SMARCA1: variants seen among roughly 807,000 people sequenced by gnomAD.
The protein encoded by SMARCA1 is SWI/SNF-related matrix-associated actin-dependent regulator of chromatin subfamily A member 1.
SMARCA1 carries 17 observed loss-of-function variants against 93.6 expected under a neutral mutation model. The ratio of observed to expected loss-of-function variants is 0.18; its 90% confidence interval spans 0.12 to 0.27. The LOEUF (loss-of-function observed/expected upper bound fraction) is 0.27. Among genes scored for constraint, SMARCA1 ranks in the 10% least tolerant of loss-of-function variants. The pLI is 1.00. For missense variants in SMARCA1, 630 were observed against 819.0 expected, an observed-to-expected ratio of 0.77 and a Z score of 2.82; for synonymous variants, 271 against 271.4, an observed-to-expected ratio of 1.00 and a Z score of 0.01.
At chrX:129,472,460 G>C (rs1383832749) in intron 19 of SMARCA1, among the ~76,000 whole-genome samples, 1 of 111,099 alleles carries the variant, frequency 9.0e-6, no homozygotes, top group Non-Finnish European at 1.9e-5. Flanking sequence ...ATTTCATAGA[G>C]TTTGGAACTA....
intron 12 of SMARCA1, among the ~76,000 whole-genome samples, chrX:129,494,226 G>GCCATGATATTCTCTTTGTC (rs1934232711): frequency 9.0e-6 from 1 of 111,558 alleles, no homozygotes; most frequent in Admixed American, 9.6e-5. Flanking sequence ...GTACTGCTCT[G>GCCATGATATTCTCTTTGTC]CCATGATATT....
chrX:129,509,493 A>G (rs1212468340), intron 6 of SMARCA1, among the ~76,000 whole-genome samples: 1 of 111,697 alleles, frequency 9.0e-6, no homozygotes, highest in Non-Finnish European at 1.9e-5. Context: ...GCCAGACCCC[A>G]TTCAGTCGTG....
chrX:129,496,240 A>T (rs1427775445), intron 12 of SMARCA1, among the ~76,000 whole-genome samples: 1 of 103,912 alleles, frequency 9.6e-6, no homozygotes, highest in Non-Finnish European at 2.0e-5. Context: ...CATGATAAAT[A>T]CCTATACCTA....
At chrX:129,509,188 CAA>C (rs10706195) in intron 6 of SMARCA1, among the ~76,000 whole-genome samples, 30 of 69,598 alleles carry the variant, frequency 4.3e-4, no homozygotes, top group East Asian at 1.3e-3. Flanking sequence ...GAGTCCGTCT[CAA>C]AAAAAAAAAA....
intron 24 of SMARCA1, among the ~76,000 whole-genome samples, chrX:129,447,571 A>T (rs568524759): frequency 2.7e-4 from 30 of 111,734 alleles, no homozygotes; most frequent in African/African-American, 8.4e-4. Context: ...TATATTTTTT[A>T]AAAAACTTAT....
chrX:129,513,050 T>C (rs778377900), intron 5 of SMARCA1, among the ~76,000 whole-genome samples: 1 of 112,339 alleles, frequency 8.9e-6, no homozygotes, highest in South Asian at 3.7e-4. Flanking sequence ...AAATTATATA[T>C]ACAATATGAT....
In SMARCA1 at chrX:129,511,103, T is replaced by C. The variant is rs191014805; in HGVS notation, c.810+701A>G. On this transcript the variant is annotated intron_variant, in intron 6 of 24. Transcript: ENST00000371121. Reference sequence around the variant, plus strand: ...TTTAATAATAAGCTTTCTAAGCAGATTATCTGTTTTAGTATTTTTACATAA... The same window carrying C: ...TTTAATAATAAGCTTTCTAAGCAGACTATCTGTTTTAGTATTTTTACATAA... 2.7e-5 allele frequency among the ~76,000 whole-genome samples: 3 copies of C among 111,567 alleles called. No homozygotes were observed. In the Admixed American group the frequency reaches 2.9e-4, roughly 11 times the overall value.
At chrX:129,485,107 G>A (rs1933838476) in intron 17 of SMARCA1, among the ~76,000 whole-genome samples, 1 of 112,101 alleles carries the variant, frequency 8.9e-6, no homozygotes, top group Non-Finnish European at 1.9e-5. Flanking sequence ...GAATTACAGA[G>A]CCACCAGCAT....
chrX:129,471,840 A>C (rs2031401838), intron 19 of SMARCA1, among the ~76,000 whole-genome samples: 1 of 111,915 alleles, frequency 8.9e-6, no homozygotes, highest in Admixed American at 9.5e-5. Context: ...TAACAGGATA[A>C]TGAAGAAAAA....
At chrX:129,459,279 C>T (rs1932759945) in intron 23 of SMARCA1, among the ~76,000 whole-genome samples, 1 of 111,143 alleles carries the variant, frequency 9.0e-6, no homozygotes, top group African/African-American at 3.3e-5. Flanking sequence ...ATCAGCTGGG[C>T]GTGGTGACAC....
At position 129,493,030 on chromosome X, in the gene SMARCA1, A is replaced by T; in HGVS notation, c.1662+10T>A. ...GCAATATGCATCAAGAGCCTTAAAAATGTTCATACCCTTTGACCCAGAAAT... is the reference window on the plus strand; with the variant it reads ...GCAATATGCATCAAGAGCCTTAAAATTGTTCATACCCTTTGACCCAGAAAT... On this transcript the variant is annotated intron_variant, in intron 13 of 24. Coordinates refer to ENST00000371121, the MANE Select transcript of SMARCA1 (RefSeq NM_001282874.2). 2.1e-6 allele frequency: 1 copy of T among 478,911 alleles called. No homozygotes were observed. The highest frequency in any genetic ancestry group is 2.3e-5 in the African/African-American group (1 of 42,787). The allele number at this position is 478,911 out of a possible 1,213,427, so 39.5% of individuals were successfully genotyped here.
At chrX:129,506,598 G>A (rs1934818959) in intron 7 of SMARCA1, among the ~76,000 whole-genome samples, 1 of 102,045 alleles carries the variant, frequency 9.8e-6, no homozygotes, top group African/African-American at 3.6e-5. Flanking sequence ...GCTGAGGCAG[G>A]AGAATCATTT....
At chrX:129,449,384 C>T (rs1044745376) in intron 23 of SMARCA1, among the ~76,000 whole-genome samples, 1 of 111,766 alleles carries the variant, frequency 8.9e-6, no homozygotes, top group Admixed American at 9.5e-5. Context: ...AACCAACAGA[C>T]TTTCTTCTCA....
Position 129,481,184 on chromosome X carries a change from A to G in SMARCA1, c.2219T>C (p.Leu740Pro), listed in dbSNP as rs751189118. 2 of 1,153,711 alleles carry G rather than the reference A, an allele frequency of 1.7e-6. No individual in the cohort carries two copies. Among genetic ancestry groups the G allele is most frequent in the South Asian group, 3.7e-5 (2 of 54,532 alleles). Residue 740 changes from leucine to proline, a missense_variant and splice_region_variant, in exon 18 of 25, where the codon CTT becomes CCT. Around this residue, in one of 4 missense-constraint regions of SMARCA1, gnomAD observed 382 missense variants for 537.9 expected, o/e 0.71. Coordinates refer to ENST00000371121, the MANE Select transcript of SMARCA1 (RefSeq NM_001282874.2). ...EGEDYREKQK[L>P]GMVEWIEPPK... is the part of the protein sequence containing the mutation. ...AGGTTCAATCCATTCCACCATGCCA[A>G]GCTATACACAACAAACAACAACAAG... is the stretch of plus-strand genomic sequence containing the variant.
At chrX:129,506,702 AAAAAAAAAAAAAG>A (rs1286299712) in intron 7 of SMARCA1, among the ~76,000 whole-genome samples, 1 of 103,057 alleles carries the variant, frequency 9.7e-6, no homozygotes, top group Non-Finnish European at 2.0e-5. Flanking sequence ...AAAAAAAAAA[AAAAAAAAAAAAAG>A]GAAGAAGAAT....
chrX:129,458,979 C>T (rs760705546), intron 23 of SMARCA1, among the ~76,000 whole-genome samples: 45 of 112,052 alleles, frequency 4.0e-4, no homozygotes, highest in Non-Finnish European at 7.7e-4. Flanking sequence ...ATCATACTAA[C>T]GAAAAGCAAT....
chrX:129,515,295 G>A (rs1439152465), intron 5 of SMARCA1, among the ~76,000 whole-genome samples: 2 of 110,534 alleles, frequency 1.8e-5, no homozygotes, highest in Non-Finnish European at 3.8e-5. Context: ...AGGTCGAGGT[G>A]GGAGGACTGC....
intron 1 of SMARCA1, among the ~76,000 whole-genome samples, 187 bp downstream of exon 1, chrX:129,523,010 G>A (rs1185371270): frequency 9.1e-6 from 1 of 110,131 alleles, no homozygotes; most frequent in South Asian, 3.9e-4. Flanking sequence ...CCGTCCTCCA[G>A]GCGGCGAGAA....
chrX:129,504,549 TAAAAAAAAAAAAAA>T (rs780225300), intron 9 of SMARCA1, among the ~76,000 whole-genome samples, 171 bp downstream of exon 9: 68 of 24,202 alleles, frequency 2.8e-3, no homozygotes, highest in African/African-American at 7.7e-3. Flanking sequence ...CATAGAGGAA[TAAAAAAAAAAAAAA>T]AAAAAAAAAA....
Sources: allele counts gnomAD v4.1 joint callset (sites outside exome capture counted in the v4.1 genomes callset), GRCh38; gene constraint gnomAD v4.1.1; regional missense constraint gnomAD v4.1.1; transcripts MANE v1.5; gene names NCBI Gene and HGNC (gene_info 2026-07-23, HGNC 2026-07-21).